The following CSMD2 variants were observed in gnomAD, a reference collection of about 807,000 sequenced individuals.
CSMD2 encodes CUB and Sushi multiple domains 2.
A neutral mutation model predicts 398.5 loss-of-function variants in CSMD2; 130 were observed. The ratio of observed to expected loss-of-function variants is 0.33; its 90% confidence interval spans 0.28 to 0.38. CSMD2 has a LOEUF of 0.38. Ranked by LOEUF, CSMD2 falls within the 10% of genes least tolerant of loss-of-function variation. CSMD2 has a pLI of 1.00. For missense variants in CSMD2, 3,829 were observed against 4,764.9 expected (o/e 0.80, Z 5.78); for synonymous variants, 1,828 against 1,908.5 (o/e 0.96, Z 1.10).
intron 3 of CSMD2, among the ~76,000 whole-genome samples, chr1:33,950,338 C>T (rs1008091498): frequency 4.6e-5 from 7 of 151,752 alleles, no homozygotes; most frequent in Non-Finnish European, 8.8e-5. Context: ...CTCCTCCTCA[C>T]ACCCAATGTT....
intron 1 of CSMD2, among the ~76,000 whole-genome samples, chr1:34,123,604 C>T (rs1002859335): frequency 3.3e-5 from 5 of 151,730 alleles, no homozygotes; most frequent in Middle Eastern, 3.2e-3. Context: ...GTGTCTGAAG[C>T]GGGGGGGAGT....
chr1:33,622,246 G>T lies in CSMD2; in HGVS notation c.5748C>A (p.Asn1916Lys). 6.2e-7 allele frequency: 1 copy of T among 1,614,026 alleles called. No individual in the cohort carries two copies. The highest frequency in any genetic ancestry group is 8.5e-7 in the Non-Finnish European group (1 of 1,179,908). ...GAAGGTAGAGCTGGTTGGAGGTGCTGTTCAGAAGGGCAGGCACGGTTGTTC... is the reference window on the plus strand; with the variant it reads ...GAAGGTAGAGCTGGTTGGAGGTGCTTTTCAGAAGGGCAGGCACGGTTGTTC... ...FSGTTVPALL[N>K]STSNQLYLHF... The change falls in exon 37 of 71, where the codon AAC becomes AAA. Residue 1916 changes from asparagine (N) to lysine (K), a missense_variant. By Grantham distance (94) the Asn-to-Lys change is moderately conservative. Around this residue, in one of 5 missense-constraint regions of CSMD2, gnomAD observed 2,001 missense variants for 2,567.1 expected, o/e 0.78. Transcript: ENST00000373381.
intron 25 of CSMD2, among the ~76,000 whole-genome samples, chr1:33,671,862 T>G (rs2149031585): frequency 6.6e-6 from 1 of 152,300 alleles, no homozygotes; most frequent in Non-Finnish European, 1.5e-5. Context: ...CCTCAGTTCT[T>G]TTACTCTGAA....
At chr1:34,029,070 AAG>A (rs1650077003) in intron 3 of CSMD2, among the ~76,000 whole-genome samples, 1 of 152,206 alleles carries the variant, frequency 6.6e-6, no homozygotes, top group African/African-American at 2.4e-5. Flanking sequence ...AGGAGCTACC[AAG>A]AGCAGGGCCC....
intron 3 of CSMD2, among the ~76,000 whole-genome samples, chr1:33,937,386 A>G (rs1231317683): frequency 6.6e-6 from 1 of 152,206 alleles, no homozygotes; most frequent in East Asian, 1.9e-4. Flanking sequence ...CAGCATGTGC[A>G]AAGGCCCTGA....
chr1:33,628,406 C>T (rs779468319), intron 32 of CSMD2, among the ~76,000 whole-genome samples: 4 of 152,134 alleles, frequency 2.6e-5, no homozygotes, highest in Non-Finnish European at 5.9e-5. Flanking sequence ...AAGTAGCTCA[C>T]ATCTGTGATC....
chr1:33,996,856 G>T (rs971276867), intron 3 of CSMD2, among the ~76,000 whole-genome samples: 16 of 151,800 alleles, frequency 1.1e-4, no homozygotes, highest in Non-Finnish European at 1.6e-4. Context: ...GCAGAAAGGA[G>T]AAAAAAGGGA....
intron 2 of CSMD2, among the ~76,000 whole-genome samples, chr1:34,080,094 G>A (rs1215946539): frequency 7.0e-6 from 1 of 143,336 alleles, no homozygotes; most frequent in Non-Finnish European, 1.5e-5. Flanking sequence ...AAGAAAAAAA[G>A]AGTGTAATAT....
intron 29 of CSMD2, among the ~76,000 whole-genome samples, chr1:33,641,252 T>G (rs930109363): frequency 1.3e-5 from 2 of 152,204 alleles, no homozygotes; most frequent in Admixed American, 6.5e-5. Flanking sequence ...GATGATTACT[T>G]TGCTCCCTGC....
intron 10 of CSMD2, among the ~76,000 whole-genome samples, chr1:33,800,785 C>G (rs1655504372): frequency 6.6e-6 from 1 of 152,120 alleles, no homozygotes; most frequent in African/African-American, 2.4e-5. Flanking sequence ...GGGGAAATGC[C>G]AGCACATGAT....
At chr1:34,156,257 G>A (rs901356882) in intron 1 of CSMD2, among the ~76,000 whole-genome samples, 1 of 152,162 alleles carries the variant, frequency 6.6e-6, no homozygotes, top group Admixed American at 6.5e-5. Context: ...TCCTGAAATG[G>A]CAATGGAGGA....
chr1:33,788,478 A>T, intron 12 of CSMD2, 122 bp downstream of exon 12: 3 of 617,324 alleles, frequency 4.9e-6, no homozygotes, highest in Non-Finnish European at 8.5e-6. Flanking sequence ...ACGGCACTCC[A>T]GCCTGGGCAA....
chr1:33,663,630 G>C (rs1644216102), intron 25 of CSMD2, among the ~76,000 whole-genome samples: 1 of 152,178 alleles, frequency 6.6e-6, no homozygotes, highest in Non-Finnish European at 1.5e-5. Context: ...TTAGCTATAT[G>C]TAGGCCTGGC....
chr1:33,810,639 A>C, intron 10 of CSMD2, 104 bp downstream of exon 10: 1 of 1,151,498 alleles, frequency 8.7e-7, no homozygotes, highest in East Asian at 2.6e-5. Flanking sequence ...CTGTCTGCAG[A>C]GAATCTACCA....
At chr1:34,087,648 AAT>A (rs1658051451) in intron 2 of CSMD2, among the ~76,000 whole-genome samples, 1 of 148,348 alleles carries the variant, frequency 6.7e-6, no homozygotes, top group Non-Finnish European at 1.5e-5. Flanking sequence ...TAATAATAAT[AAT>A]AATAATAAAG....
intron 25 of CSMD2, among the ~76,000 whole-genome samples, chr1:33,673,197 G>A (rs1331397537): frequency 2.0e-5 from 3 of 152,122 alleles, no homozygotes; most frequent in Non-Finnish European, 2.9e-5. Context: ...CAATGGCAAA[G>A]AAGTTAAAAA....
intron 5 of CSMD2, among the ~76,000 whole-genome samples, chr1:33,913,007 T>C (rs1259709485): frequency 6.6e-6 from 1 of 151,888 alleles, no homozygotes; most frequent in Admixed American, 6.6e-5. Context: ...GAGACAGGTG[T>C]CTCCATGTTG....
At chr1:33,864,032 CAATGCCA>C (rs1639761381) in intron 5 of CSMD2, 1 of 657,234 alleles carries the variant, frequency 1.5e-6, no homozygotes, top group African/African-American at 1.8e-5. Flanking sequence ...TCTGACTCAA[CAATGCCA>C]TCAGCACTGA....
intron 1 of CSMD2, among the ~76,000 whole-genome samples, chr1:34,105,217 T>A (rs1660414648): frequency 6.6e-6 from 1 of 152,204 alleles, no homozygotes; most frequent in Admixed American, 6.5e-5. Flanking sequence ...ACCTCAACAC[T>A]ATCAACATTT....
Sources: gnomAD v4.1 joint callset for allele counts (sites outside exome capture counted in the v4.1 genomes callset) on GRCh38, gnomAD v4.1.1 for gene constraint, gnomAD v4.1.1 regional missense constraint, MANE v1.5 for transcripts, NCBI Gene and HGNC (gene_info 2026-07-23, HGNC 2026-07-21) for gene names.